OR52K1: variants seen among roughly 807,000 people sequenced by gnomAD.
OR52K1 encodes olfactory receptor 52K1.
A neutral mutation model predicts 8.7 loss-of-function variants in OR52K1; 10 were observed. The observed-to-expected ratio is 1.15, with a 90% confidence interval of 0.71 to 1.95. The LOEUF (loss-of-function observed/expected upper bound fraction) is 1.95, where lower values mean the gene tolerates loss of function less well. Among genes scored for constraint, OR52K1 ranks in the 30% most tolerant of loss-of-function variants. The pLI, the probability that OR52K1 is intolerant of heterozygous loss-of-function variation, is 0.00. For synonymous variants in OR52K1, 203 were observed against 148.5 expected (o/e 1.37, Z -2.67); for missense variants, 431 against 397.2 (o/e 1.08, Z -0.72).
chr11:4,486,981 A>G (rs1023692500), intron 1 of OR52K1, among the ~76,000 whole-genome samples: 29 of 152,200 alleles, frequency 1.9e-4, no homozygotes, highest in African/African-American at 6.5e-4. Flanking sequence ...AGAGTGGTCA[A>G]TTCAGATAAA....
rs1846378940 is a variant in OR52K1, at chr11:4,491,970, A to G, written c.*2125A>G. Reference sequence around the variant, plus strand: ...ATATTGGTGCAAAGATCGAATGGAAAGGAACAGAAAGACAAGAAGTTGCCT... The same window carrying G: ...ATATTGGTGCAAAGATCGAATGGAAGGGAACAGAAAGACAAGAAGTTGCCT... On this transcript the variant is annotated 3_prime_UTR_variant, in exon 2 of 2. Transcript: ENST00000641528. The G allele has an allele frequency of 6.6e-6, 1 of 152,184 alleles. No individual in the cohort carries two copies. Among genetic ancestry groups the G allele is most frequent in the African/African-American group, 2.4e-5 (1 of 41,436 alleles). The allele number at this position is 152,184 out of a possible 1,614,324, so 9.4% of individuals were successfully genotyped here.
intron 1 of OR52K1, among the ~76,000 whole-genome samples, chr11:4,483,754 T>C (rs1273623444): frequency 1.3e-5 from 2 of 152,086 alleles, no homozygotes; most frequent in African/African-American, 4.8e-5. Context: ...AAATACATAT[T>C]GAGATAAGGT....
At chr11:4,486,822 T>C (rs990087400) in intron 1 of OR52K1, among the ~76,000 whole-genome samples, 4 of 152,166 alleles carry the variant, frequency 2.6e-5, no homozygotes, top group African/African-American at 7.2e-5. Flanking sequence ...ATTTTCTGAA[T>C]GACATGGATA....
rs373764969 is a variant in OR52K1, at chr11:4,489,603, G to A, written c.703G>A (p.Ala235Thr). ...AGTTCTCCAGCTTGCCTCTCAGGAG[G>A]CCCGCTACAAGGCATTTGGGACATG... Reference protein sequence around the residue: ...QAVLQLASQEARYKAFGTCVS... With the variant: ...QAVLQLASQETRYKAFGTCVS... Residue 235 changes from alanine to threonine, a missense_variant, in exon 2 of 2, where the codon GCC becomes ACC. Transcript: ENST00000641528. 1 of 1,614,174 alleles carries A rather than the reference G, an allele frequency of 6.2e-7. No homozygotes were observed. Among genetic ancestry groups the A allele is most frequent in the Admixed American group, 1.7e-5 (1 of 60,028 alleles).
chr11:4,482,756 G>A lies in OR52K1; in HGVS notation c.-749G>A, dbSNP rs1044439679. 1 of 175,622 alleles carries A rather than the reference G, an allele frequency of 5.7e-6. No individual in the cohort carries two copies. Among genetic ancestry groups the A allele is most frequent in the Admixed American group, 6.3e-5 (1 of 15,928 alleles). The allele number at this position is 175,622 out of a possible 1,614,324, so 10.9% of individuals were successfully genotyped here. A position where few individuals can be genotyped will look rare whatever the true frequency, so the allele number is the denominator to read the frequency against. On this transcript the variant is annotated 5_prime_UTR_variant, in exon 1 of 2. Transcript: ENST00000641528. ...GATACAGCTGCAACTTAGGGAAATA[G>A]AAAACAAGTGATGTTATTGGGGTGA...
In OR52K1 at chr11:4,488,637, T is replaced by C; in HGVS notation, c.-264T>C. ...ATACTCCATTCCTTTATGAAAGTTG[T>C]CTTAGAATATTAAATATCCATAGAA... On this transcript the variant is annotated 5_prime_UTR_variant, in exon 2 of 2. Coordinates refer to ENST00000641528, the MANE Select transcript of OR52K1 (RefSeq NM_001005171.3). 2.3e-6 allele frequency: 1 copy of C among 438,928 alleles called. No homozygotes were observed. The allele number at this position is 438,928 out of a possible 1,614,324, so 27.2% of individuals were successfully genotyped here. A position where few individuals can be genotyped will look rare whatever the true frequency, so the allele number is the denominator to read the frequency against.
rs1031983642 is a variant in OR52K1 at position 4,492,001 on chromosome 11, A to G, written c.*2156A>G. The G allele has an allele frequency of 6.6e-6, 1 of 152,120 alleles. No homozygotes were observed. Among genetic ancestry groups the G allele is most frequent in the African/African-American group, 2.4e-5 (1 of 41,442 alleles). The allele number at this position is 152,120 out of a possible 1,614,324, so 9.4% of individuals were successfully genotyped here. On this transcript the variant is annotated 3_prime_UTR_variant, in exon 2 of 2. Coordinates refer to ENST00000641528, the MANE Select transcript of OR52K1 (RefSeq NM_001005171.3). ...AGAAAGACAAGAAGTTGCCTGGTCC[A>G]TATAGACACGTGTTATTGCAGAGGT...
Position 4,488,846 on chromosome 11 carries a change from A to G in OR52K1, c.-55A>G. On this transcript the variant is annotated 5_prime_UTR_variant, in exon 2 of 2. Transcript: ENST00000641528. ...TCTAATCATATATACTGTAGAAGGT[A>G]TATATAGAAGGTGAAGAAGCCCTGT... The G allele has an allele frequency of 8.3e-7, 1 of 1,198,990 alleles. No homozygotes were observed. The highest frequency in any genetic ancestry group is 1.2e-6 in the Non-Finnish European group (1 of 819,620). The allele number at this position is 1,198,990 out of a possible 1,614,324, so 74.3% of individuals were successfully genotyped here. A position where few individuals can be genotyped will look rare whatever the true frequency, so the allele number is the denominator to read the frequency against.
intron 1 of OR52K1, among the ~76,000 whole-genome samples, chr11:4,487,248 AT>A (rs1384621895): frequency 6.6e-6 from 1 of 152,178 alleles, no homozygotes; most frequent in Non-Finnish European, 1.5e-5. Flanking sequence ...AACATAAATA[AT>A]TTTTTAAAAA....
At position 4,482,908 on chromosome 11, in the gene OR52K1, C is replaced by T. The variant is rs1338393356; in HGVS notation, c.-597C>T. 5.3e-6 allele frequency: 2 copies of T among 378,378 alleles called. No individual in the cohort carries two copies. The highest frequency in any genetic ancestry group is 9.4e-6 in the Non-Finnish European group (2 of 213,826). The allele number at this position is 378,378 out of a possible 1,614,324, so 23.4% of individuals were successfully genotyped here. On this transcript the variant is annotated 5_prime_UTR_variant, in exon 1 of 2. Coordinates refer to ENST00000641528, the MANE Select transcript of OR52K1 (RefSeq NM_001005171.3). ...TACTCTGGTCCTTCAATAGAGGGAA[C>T]AGAAGTCTCGATAGTCCCACCCAAC...
Position 4,489,626 on chromosome 11 carries a change from A to G in OR52K1, c.726A>G (p.Thr242=), listed in dbSNP as rs1564832825. The part of the protein sequence containing the change: ...SQEARYKAFG[T]CVSHIGAILS... ...AGGCCCGCTACAAGGCATTTGGGAC[A>G]TGTGTGTCTCACATAGGTGCCATCC... Residue 242 remains threonine (T), a synonymous_variant, in exon 2 of 2, where the codon ACA becomes ACG. Transcript: ENST00000641528. 2 of 1,614,194 alleles carry G rather than the reference A, an allele frequency of 1.2e-6. No individual in the cohort carries two copies. Among genetic ancestry groups the G allele is most frequent in the Admixed American group, 1.7e-5 (1 of 60,026 alleles).
At position 4,489,703 on chromosome 11, in the gene OR52K1, G is replaced by A. The variant is rs552943528; in HGVS notation, c.803G>A (p.Arg268His). ...VISSVMHRVA[R>H]HAAPRVHILL... ...TCTTCAGTCATGCACCGTGTAGCCC[G>A]CCATGCTGCCCCTCGTGTCCACATA... The change falls in exon 2 of 2, where the codon CGC becomes CAC. Residue 268 changes from arginine (R) to histidine (H), a missense_variant. Arg to His is a conservative substitution (Grantham distance 29). Transcript: ENST00000641528. 1.5e-5 allele frequency: 24 copies of A among 1,614,140 alleles called. No individual in the cohort carries two copies. Among genetic ancestry groups the A allele is most frequent in the Admixed American group, 6.7e-5 (4 of 60,006 alleles).
At chr11:4,483,829 A>G (rs1846299482) in intron 1 of OR52K1, among the ~76,000 whole-genome samples, 2 of 152,224 alleles carry the variant, frequency 1.3e-5, no homozygotes, top group Admixed American at 1.3e-4. Flanking sequence ...GACGCCAGGC[A>G]TGTTTCTAGG....
chr11:4,488,995 C>A lies in OR52K1; in HGVS notation c.95C>A (p.Pro32His). The A allele has an allele frequency of 6.2e-7, 1 of 1,614,174 alleles. No individual in the cohort carries two copies. Among genetic ancestry groups the A allele is most frequent in the South Asian group, 1.1e-5 (1 of 91,076 alleles). ...CACCTGCATGCCTGGATCTCCATCC[C>A]CTTCTGCTTTGCTTATACTCTGGCC... ...LEHLHAWISI[P>H]FCFAYTLALL... The change falls in exon 2 of 2, where the codon CCC becomes CAC. Residue 32 changes from proline (P) to histidine (H), a missense_variant. By Grantham distance (77) the Pro-to-His change is moderately conservative. Coordinates refer to ENST00000641528, the MANE Select transcript of OR52K1 (RefSeq NM_001005171.3).
At position 4,489,702 on chromosome 11, in the gene OR52K1, C is replaced by T. The variant is rs768055536; in HGVS notation, c.802C>T (p.Arg268Cys). ...CTCTTCAGTCATGCACCGTGTAGCC[C>T]GCCATGCTGCCCCTCGTGTCCACAT... is the stretch of plus-strand genomic sequence containing the variant. The part of the protein sequence containing the change: ...VISSVMHRVA[R>C]HAAPRVHILL... Residue 268 changes from arginine to cysteine, a missense_variant, in exon 2 of 2, where the codon CGC becomes TGC. By Grantham distance (180) the Arg-to-Cys change is radical. Coordinates refer to ENST00000641528, the MANE Select transcript of OR52K1 (RefSeq NM_001005171.3). The T allele has an allele frequency of 1.5e-5, 24 of 1,614,074 alleles. No homozygotes were observed. The highest frequency in any genetic ancestry group is 3.3e-5 in the Admixed American group (2 of 60,008).
Position 4,488,922 on chromosome 11 carries a change from T to A in OR52K1, c.22T>A (p.Ser8Thr). MLPSNIT[S>T]THPAVFLLVG... ...AGCCATGCTTCCCTCTAATATCACC[T>A]CAACACATCCAGCTGTCTTTTTGTT... The change falls in exon 2 of 2, where the codon TCA (serine) becomes ACA (threonine). Residue 8 changes from serine to threonine, a missense_variant. Transcript: ENST00000641528. 6.2e-7 allele frequency: 1 copy of A among 1,613,882 alleles called. No homozygotes were observed. Among genetic ancestry groups the A allele is most frequent in the East Asian group, 2.2e-5 (1 of 44,888 alleles).
In OR52K1 at chr11:4,491,155, C is replaced by T. The variant is rs985690638; in HGVS notation, c.*1310C>T. 2 of 152,136 alleles carry T rather than the reference C, an allele frequency of 1.3e-5. No individual in the cohort carries two copies. Among genetic ancestry groups the T allele is most frequent in the African/African-American group, 4.8e-5 (2 of 41,426 alleles). The allele number at this position is 152,136 out of a possible 1,614,324, so 9.4% of individuals were successfully genotyped here. On this transcript the variant is annotated 3_prime_UTR_variant, in exon 2 of 2. Coordinates refer to ENST00000641528, the MANE Select transcript of OR52K1 (RefSeq NM_001005171.3). ...GTCCACCAATATTTAGTCTCCTGTC[C>T]TTCTATCATGGGTAGGGTATTTCCT...
Position 4,491,749 on chromosome 11 carries a change from C to G in OR52K1, c.*1904C>G, listed in dbSNP as rs1846376710. 1 of 151,976 alleles carries G rather than the reference C, an allele frequency of 6.6e-6. No individual in the cohort carries two copies. The highest frequency in any genetic ancestry group is 1.9e-4 in the East Asian group (1 of 5,178). 9.4% of individuals were successfully genotyped at this position (151,976 alleles called of 1,614,324 possible). On this transcript the variant is annotated 3_prime_UTR_variant, in exon 2 of 2. Coordinates refer to ENST00000641528, the MANE Select transcript of OR52K1 (RefSeq NM_001005171.3). ...ACTAAACAATGAGAACACATGGACA[C>G]AAAGAGGAGCAGGAGACACTGGGGC... is the stretch of plus-strand genomic sequence containing the variant.
At chr11:4,485,374 C>T (rs371318871) in intron 1 of OR52K1, among the ~76,000 whole-genome samples, 2 of 152,060 alleles carry the variant, frequency 1.3e-5, no homozygotes, top group East Asian at 1.9e-4. Context: ...ATTTTCTATA[C>T]GTATTACCAT....
Sources: allele counts gnomAD v4.1 joint callset (sites outside exome capture counted in the v4.1 genomes callset), GRCh38; gene constraint gnomAD v4.1.1; transcripts MANE v1.5; gene names NCBI Gene and HGNC (gene_info 2026-07-23, HGNC 2026-07-21).